WWOX: variants seen among roughly 807,000 people sequenced by gnomAD.
WWOX encodes WW domain-containing oxidoreductase.
A neutral mutation model predicts 46.2 loss-of-function variants in WWOX; 69 were observed. The ratio of observed to expected loss-of-function variants is 1.49; its 90% CI spans 1.23 to 1.82. The LOEUF (loss-of-function observed/expected upper bound fraction) is 1.82, where lower values mean the gene tolerates loss of function less well. Among genes scored for constraint, WWOX ranks in the 40% most tolerant of loss-of-function variants. The pLI, the probability that WWOX is intolerant of heterozygous loss-of-function variation, is 0.00. For synonymous variants in WWOX, 359 were observed against 202.6 expected (o/e 1.77, Z -6.56); for missense variants, 919 against 542.6 (o/e 1.69, Z -6.89).
At chr16:79,092,156 C>G (rs1482081983) in intron 8 of WWOX, among the ~76,000 whole-genome samples, 4 of 152,076 alleles carry the variant, frequency 2.6e-5, no homozygotes, top group African/African-American at 9.7e-5. Context: ...GGGAGTTTGC[C>G]TGTGTGCAAG....
chr16:78,592,542 G>A (rs776619916), intron 8 of WWOX, among the ~76,000 whole-genome samples: 1 of 152,204 alleles, frequency 6.6e-6, no homozygotes, highest in Non-Finnish European at 1.5e-5. Flanking sequence ...AAGAAGACAA[G>A]AATCAGGAGG....
intron 8 of WWOX, among the ~76,000 whole-genome samples, chr16:79,107,075 T>G (rs1165182420): frequency 6.6e-6 from 1 of 152,152 alleles, no homozygotes; most frequent in African/African-American, 2.4e-5. Flanking sequence ...TCTCCCAAAG[T>G]GCTGGGATTA....
intron 5 of WWOX, among the ~76,000 whole-genome samples, chr16:78,181,057 A>G (rs544546144): frequency 7.2e-5 from 11 of 152,232 alleles, no homozygotes; most frequent in Non-Finnish European, 1.3e-4. Context: ...TTTGTTTCAT[A>G]AGTAATTGTC....
intron 8 of WWOX, among the ~76,000 whole-genome samples, chr16:78,505,330 A>C: frequency 6.6e-6 from 1 of 152,274 alleles, no homozygotes; most frequent in South Asian, 2.1e-4. Flanking sequence ...TTCTGGCTTG[A>C]CAATGCCTTC....
At chr16:78,720,735 T>G (rs1453623475) in intron 8 of WWOX, among the ~76,000 whole-genome samples, 1 of 152,174 alleles carries the variant, frequency 6.6e-6, no homozygotes, top group Non-Finnish European at 1.5e-5. Flanking sequence ...TCCACCGGTC[T>G]CTGCTTGTCT....
chr16:78,566,205 C>T (rs866950238), intron 8 of WWOX, among the ~76,000 whole-genome samples: 1 of 152,146 alleles, frequency 6.6e-6, no homozygotes, highest in African/African-American at 2.4e-5. Context: ...CCCATGATCT[C>T]ATTTGAAATT....
chr16:78,502,982 T>G (rs1039855735), intron 8 of WWOX, among the ~76,000 whole-genome samples: 1 of 152,210 alleles, frequency 6.6e-6, no homozygotes, highest in Non-Finnish European at 1.5e-5. Flanking sequence ...GATCTTTGAT[T>G]ACTACACAGC....
intron 8 of WWOX, among the ~76,000 whole-genome samples, chr16:78,458,641 T>C (rs979171456): frequency 1.3e-5 from 2 of 151,762 alleles, no homozygotes; most frequent in East Asian, 1.9e-4. Flanking sequence ...AATTATTTTA[T>C]AGCATATAAA....
At chr16:78,982,225 T>C (rs2046696842) in intron 8 of WWOX, among the ~76,000 whole-genome samples, 1 of 152,296 alleles carries the variant, frequency 6.6e-6, no homozygotes, top group Non-Finnish European at 1.5e-5. Context: ...GAACATGAAT[T>C]TGCATTCCTT....
chr16:78,545,636 A>G (rs1209796511), intron 8 of WWOX, among the ~76,000 whole-genome samples: 4 of 152,228 alleles, frequency 2.6e-5, no homozygotes, highest in African/African-American at 2.4e-5. Context: ...TTGAGTCTCT[A>G]TTCTGAAACA....
rs897110320 is a variant in WWOX, at chr16:79,027,222, G to A, written c.1057-184386G>A. Among the ~76,000 whole-genome samples, 29 of 150,632 alleles carry A rather than the reference G, an allele frequency of 1.9e-4. 1 individual carries two copies. The highest frequency in any genetic ancestry group is 6.7e-4 in the African/African-American group (27 of 40,462). On this transcript the variant is annotated intron_variant, in intron 8 of 8. Coordinates refer to ENST00000566780, the MANE Select transcript of WWOX (RefSeq NM_016373.4). ...CTGAGCTGGGGAGGTTGAGGCTGCA[G>A]TGGGCTGTGATCATGCCACTGCACT...
intron 8 of WWOX, among the ~76,000 whole-genome samples, chr16:78,840,108 C>G (rs760032107): frequency 9.9e-5 from 15 of 152,130 alleles, no homozygotes; most frequent in African/African-American, 1.9e-4. Flanking sequence ...AAGTTGTATG[C>G]AAAATAAGTT....
chr16:78,634,884 G>A (rs1202970117), intron 8 of WWOX, among the ~76,000 whole-genome samples: 1 of 151,294 alleles, frequency 6.6e-6, no homozygotes, highest in Non-Finnish European at 1.5e-5. Context: ...GCGCGTGCAT[G>A]TGTATACGCT....
chr16:79,070,210 C>T (rs1447434480), intron 8 of WWOX, among the ~76,000 whole-genome samples: 1 of 151,842 alleles, frequency 6.6e-6, no homozygotes, highest in African/African-American at 2.4e-5. Flanking sequence ...AATGTTGAAA[C>T]CCACACTTGG....
intron 4 of WWOX, among the ~76,000 whole-genome samples, chr16:78,163,600 C>A (rs557894326): frequency 6.6e-6 from 1 of 152,346 alleles, no homozygotes; most frequent in East Asian, 1.9e-4. Context: ...AATTCTTAGT[C>A]ATAGTGCCCT....
rs577602887 is a variant in WWOX at position 78,338,229 on chromosome 16, C to T, written c.517-48631C>T. Reference sequence around the variant, plus strand: ...ATAAAGCAGCATGCAAATTTACTATCGTATTCAGCAACCAAAATTTTATCA... The same window carrying T: ...ATAAAGCAGCATGCAAATTTACTATTGTATTCAGCAACCAAAATTTTATCA... On this transcript the variant is annotated intron_variant, in intron 5 of 8. Coordinates refer to ENST00000566780, the MANE Select transcript of WWOX (RefSeq NM_016373.4). 4.2e-5 allele frequency among the ~76,000 whole-genome samples: 5 copies of T among 120,418 alleles called. 1 individual carries two copies. The highest frequency in any genetic ancestry group is 1.9e-4 in the East Asian group (1 of 5,168). 79.0% of individuals were successfully genotyped at this position (120,418 alleles called of 152,430 possible). A position where few individuals can be genotyped will look rare whatever the true frequency, so the allele number is the denominator to read the frequency against.
chr16:78,805,553 G>C lies in WWOX; in HGVS notation c.1056+372801G>C, dbSNP rs574273578. Among the ~76,000 whole-genome samples, 30 of 151,382 alleles carry C rather than the reference G, an allele frequency of 2.0e-4. 1 individual carries two copies. In the South Asian group the frequency reaches 4.6e-3, roughly 23 times the overall value. ...CCGCCTCAGCCTCCCAAAGTGCTGG[G>C]ATTACAGGCGTGAGCTGACGCTCCC... On this transcript the variant is annotated intron_variant, in intron 8 of 8. Transcript: ENST00000566780.
chr16:78,510,196 TTTA>T (rs1341342284), intron 8 of WWOX, among the ~76,000 whole-genome samples: 2 of 152,214 alleles, frequency 1.3e-5, no homozygotes, highest in Non-Finnish European at 2.9e-5. Flanking sequence ...TATGTCTGTC[TTTA>T]TTGTTTCACT....
intron 4 of WWOX, among the ~76,000 whole-genome samples, chr16:78,119,711 C>A (rs1222195075): frequency 6.6e-6 from 1 of 151,772 alleles, no homozygotes; most frequent in East Asian, 1.9e-4. Context: ...AGTGATCCTC[C>A]CACCTTAGCC....
Sources: gnomAD v4.1 joint callset for allele counts (sites outside exome capture counted in the v4.1 genomes callset) on GRCh38, gnomAD v4.1.1 for gene constraint, MANE v1.5 for transcripts, NCBI Gene and HGNC (gene_info 2026-07-23, HGNC 2026-07-21) for gene names.